DCSTAMP: variants seen among roughly 807,000 people sequenced by gnomAD.
The protein encoded by DCSTAMP is dendrocyte expressed seven transmembrane protein.
In DCSTAMP, 25 loss-of-function variants were observed where a neutral mutation model predicts 33.8. That is an observed-to-expected ratio of 0.74 (90% CI 0.54 to 1.03). DCSTAMP has a LOEUF of 1.03. Among genes scored for constraint, DCSTAMP ranks in the 50% least tolerant of loss-of-function variants. The probability of loss-of-function intolerance (pLI) is 0.00; values close to 1 mark genes in which losing one functional copy is unlikely to be tolerated. For synonymous variants in DCSTAMP, 245 were observed against 216.7 expected, an observed-to-expected ratio of 1.13 and a Z score of -1.15; for missense variants, 531 against 556.8, an observed-to-expected ratio of 0.95 and a Z score of 0.47.
intron 2 of DCSTAMP, among the ~76,000 whole-genome samples, chr8:104,351,250 C>T (rs1191140843): frequency 6.6e-6 from 1 of 152,154 alleles, no homozygotes; most frequent in South Asian, 2.1e-4. Context: ...AGACACTTGT[C>T]TTATTGTTTT....
rs201415817 is a variant in DCSTAMP at position 104,349,395 on chromosome 8, G to A, written c.843G>A (p.Pro281=). 2.3e-4 allele frequency: 378 copies of A among 1,614,058 alleles called. No homozygotes were observed. Among genetic ancestry groups the A allele is most frequent in the Non-Finnish European group, 3.0e-4 (357 of 1,180,036 alleles). Residue 281 remains proline, a synonymous_variant, in exon 2 of 4, where the codon CCG becomes CCA. Coordinates refer to ENST00000297581, the MANE Select transcript of DCSTAMP (RefSeq NM_030788.4). ...AAAGGAGGAAGTATGTCATCATCCCGACTTTCTGGCCGACTCCTAAAGAAA... is the reference window on the plus strand; with the variant it reads ...AAAGGAGGAAGTATGTCATCATCCCAACTTTCTGGCCGACTCCTAAAGAAA... The part of the protein sequence containing the change: ...KEERRKYVII[P]TFWPTPKERK...
At chr8:104,351,623 T>C (rs988790906) in intron 2 of DCSTAMP, among the ~76,000 whole-genome samples, 1 of 152,284 alleles carries the variant, frequency 6.6e-6, no homozygotes, top group Admixed American at 6.5e-5. Flanking sequence ...ATGGAGTGGG[T>C]TATTCATGAG....
At chr8:104,354,812 T>G in intron 2 of DCSTAMP, 65 bp from the exon 3 acceptor site, 3 of 1,121,012 alleles carry the variant, frequency 2.7e-6, no homozygotes, top group Non-Finnish European at 3.9e-6. Flanking sequence ...AGGGAAGTAC[T>G]GAGAAAGACA....
At chr8:104,350,287 A>AG (rs1810424699) in intron 2 of DCSTAMP, among the ~76,000 whole-genome samples, 1 of 152,204 alleles carries the variant, frequency 6.6e-6, no homozygotes, top group Non-Finnish European at 1.5e-5. Flanking sequence ...ATTCCCAAGC[A>AG]GGACTATCCG....
In DCSTAMP at chr8:104,349,179, C is replaced by T. The variant is rs866546975; in HGVS notation, c.627C>T (p.Ser209=). The change falls in exon 2 of 4, where the codon TCC becomes TCT. Residue 209 remains serine (S), a synonymous_variant. Transcript: ENST00000297581. The part of the protein sequence containing the change: ...QMATTTEVLS[S]LGQKLLAFAG... ...CAACAACCACAGAGGTGTTGTCCTC[C>T]CTGGGTCAGAAGCTACTTGCCTTTG... The T allele has an allele frequency of 1.9e-6, 3 of 1,614,104 alleles. No homozygotes were observed. The highest frequency in any genetic ancestry group is 1.3e-5 in the African/African-American group (1 of 74,924).
chr8:104,345,547 A>G, intron 1 of DCSTAMP, among the ~76,000 whole-genome samples: 1 of 152,358 alleles, frequency 6.6e-6, no homozygotes, highest in East Asian at 1.9e-4. Flanking sequence ...TGTTCTTCTT[A>G]CAGGACAAAA....
In DCSTAMP at chr8:104,355,185, G is replaced by C. The variant is rs1171713070; in HGVS notation, c.1338G>C (p.Lys446Asn). ...VKRRLSLYLT[K>N]IHFWLPVLKM... ...GACGGCTGAGTCTCTATCTTACAAA[G>C]GTAAGGCCAAGATGGTGGTGTAACC... Residue 446 changes from lysine (K) to asparagine (N), a missense_variant and splice_region_variant, in exon 3 of 4, where the codon AAG becomes AAC. Lys to Asn is a moderately conservative substitution (Grantham distance 94, BLOSUM62 0). Transcript: ENST00000297581. The C allele has an allele frequency of 6.2e-7, 1 of 1,610,156 alleles. No homozygotes were observed. The highest frequency in any genetic ancestry group is 8.5e-7 in the Non-Finnish European group (1 of 1,178,464).
At position 104,348,967 on chromosome 8, in the gene DCSTAMP, C is replaced by T. The variant is rs1361245237; in HGVS notation, c.415C>T (p.Pro139Ser). 1.9e-6 allele frequency: 3 copies of T among 1,614,092 alleles called. No homozygotes were observed. The highest frequency in any genetic ancestry group is 2.5e-6 in the Non-Finnish European group (3 of 1,180,046). ...LRAKSFSIHF[P>S]LLKKYIEAIQ... ...GGCAAAGAGCTTTTCCATACATTTT[C>T]CACTTTTGAAAAAATATATTGAGGC... Residue 139 changes from proline (P) to serine (S), a missense_variant, in exon 2 of 4, where the codon CCA becomes TCA. Physicochemically the swap from Pro to Ser is moderately conservative, Grantham distance 74. Coordinates refer to ENST00000297581, the MANE Select transcript of DCSTAMP (RefSeq NM_030788.4).
chr8:104,352,747 G>T (rs1455471608), intron 2 of DCSTAMP, among the ~76,000 whole-genome samples: 1 of 152,194 alleles, frequency 6.6e-6, no homozygotes, highest in Non-Finnish European at 1.5e-5. Context: ...TATGTCCTGG[G>T]AGGGAGGTCA....
rs539689658 is a variant in DCSTAMP, at chr8:104,343,583, A to C, written c.-13+3721A>C. 7.9e-5 allele frequency among the ~76,000 whole-genome samples: 12 copies of C among 152,346 alleles called. No homozygotes were observed. In the East Asian group the frequency reaches 2.3e-3, roughly 29 times the overall value. ...AGGTTAAATGAGGTCCTAAGTGTGG[A>C]GCCCTCATCTGATAGGACTAGTGTC... On this transcript the variant is annotated intron_variant, in intron 1 of 3. Coordinates refer to ENST00000297581, the MANE Select transcript of DCSTAMP (RefSeq NM_030788.4).
At chr8:104,356,081 C>A in intron 3 of DCSTAMP, 43 bp from the exon 4 acceptor site, 1 of 1,570,120 alleles carries the variant, frequency 6.4e-7, no homozygotes, top group Non-Finnish European at 8.7e-7. Context: ...TTTAAAATGA[C>A]TCCAACTCCA....
intron 3 of DCSTAMP, 106 bp downstream of exon 3, chr8:104,355,291 G>GAC: frequency 8.5e-7 from 1 of 1,178,692 alleles, no homozygotes; most frequent in African/African-American, 1.5e-5. Context: ...TCACATCAGG[G>GAC]CTTGTACCCC....
In DCSTAMP at chr8:104,351,424, T is replaced by C. The variant is rs143496403; in HGVS notation, c.1029+1843T>C. Among the ~76,000 whole-genome samples the C allele has an allele frequency of 1.1e-4, 17 of 152,332 alleles. No homozygotes were observed. The East Asian group carries it at 2.9e-3, about 26-fold the overall frequency. On this transcript the variant is annotated intron_variant, in intron 2 of 3. Coordinates refer to ENST00000297581, the MANE Select transcript of DCSTAMP (RefSeq NM_030788.4). ...TTGGGGCTTAGCCTAGGAGGGTTCT[T>C]GGCTTTGCTTGGGAAAGAATTCAAG...
At chr8:104,342,691 C>T (rs78827344) in intron 1 of DCSTAMP, among the ~76,000 whole-genome samples, 8,187 of 152,240 alleles carry the variant, frequency 0.054, 494 homozygotes, top group East Asian at 0.22. Flanking sequence ...AGGATGAGCC[C>T]CCATTCCTGA....
At chr8:104,345,838 T>C (rs1007211794) in intron 1 of DCSTAMP, among the ~76,000 whole-genome samples, 1 of 152,232 alleles carries the variant, frequency 6.6e-6, no homozygotes, top group Admixed American at 6.5e-5. Context: ...TTGAGAGATA[T>C]CCTTACAGAG....
chr8:104,343,965 A>G (rs2099383429), intron 1 of DCSTAMP, among the ~76,000 whole-genome samples: 1 of 152,264 alleles, frequency 6.6e-6, no homozygotes, highest in African/African-American at 2.4e-5. Flanking sequence ...GCACTGGCAG[A>G]TGACAACAGG....
chr8:104,347,434 A>T (rs1263167385), intron 1 of DCSTAMP, among the ~76,000 whole-genome samples: 3 of 152,158 alleles, frequency 2.0e-5, no homozygotes, highest in Non-Finnish European at 4.4e-5. Flanking sequence ...AAAACAGATG[A>T]CTATTAAAGA....
intron 1 of DCSTAMP, among the ~76,000 whole-genome samples, chr8:104,340,908 C>T (rs991989875): frequency 3.9e-5 from 6 of 152,170 alleles, no homozygotes; most frequent in African/African-American, 1.2e-4. Context: ...AGTGCTTGTC[C>T]GTTTGGGTTT....
At chr8:104,352,678 C>G (rs1810495445) in intron 2 of DCSTAMP, among the ~76,000 whole-genome samples, 1 of 152,122 alleles carries the variant, frequency 6.6e-6, no homozygotes, top group African/African-American at 2.4e-5. Flanking sequence ...TGTCTTTGGG[C>G]ATTACTGGCT....
Sources: allele counts gnomAD v4.1 joint callset (sites outside exome capture counted in the v4.1 genomes callset), GRCh38; gene constraint gnomAD v4.1.1; transcripts MANE v1.5; gene names NCBI Gene and HGNC (gene_info 2026-07-23, HGNC 2026-07-21).